The following SFMBT2 variants were observed in gnomAD, a reference collection of about 807,000 sequenced individuals.
SFMBT2 encodes the protein Scm like with four mbt domains 2, also known as scm-like with four MBT domains protein 2.
In SFMBT2, 38 loss-of-function variants were observed where a neutral mutation model predicts 110.1. The ratio of observed to expected loss-of-function variants is 0.35; its 90% CI spans 0.27 to 0.45. The LOEUF is 0.45. SFMBT2 is among the 20% of genes least tolerant of loss of function. The pLI, the probability that SFMBT2 is intolerant of heterozygous loss-of-function variation, is 1.00. For synonymous variants in SFMBT2, 425 were observed against 425.4 expected (o/e 1.00, Z 0.01); for missense variants, 1,011 against 1,094.9 (o/e 0.92, Z 1.08).
chr10:7,275,401 G>C (rs1388643270), intron 7 of SFMBT2, among the ~76,000 whole-genome samples: 1 of 152,148 alleles, frequency 6.6e-6, no homozygotes, highest in Non-Finnish European at 1.5e-5. Context: ...TGGCAGAGCT[G>C]AGAGGTCCAA....
chr10:7,298,827 A>C (rs915268787), intron 4 of SFMBT2, among the ~76,000 whole-genome samples: 1 of 152,024 alleles, frequency 6.6e-6, no homozygotes, highest in Admixed American at 6.6e-5. Flanking sequence ...TCTTCCAAGA[A>C]GCTTCATTGG....
Position 7,220,473 on chromosome 10 carries a change from C to T in SFMBT2, c.1268G>A (p.Gly423Glu), listed in dbSNP as rs1468257052. The T allele has an allele frequency of 5.6e-6, 9 of 1,614,116 alleles. No individual in the cohort carries two copies. The highest frequency in any genetic ancestry group is 6.8e-6 in the Non-Finnish European group (8 of 1,179,982). The stretch of plus-strand genomic sequence containing the variant: ...CACAACGGAGGCCACACACAGTTCT[C>T]CTGGATTCCTGGGGTTCACAGCTTC... ...KLEAVNPRNPGELCVASVVSV... is the reference protein window; with the variant it reads ...KLEAVNPRNPEELCVASVVSV... Residue 423 changes from glycine to glutamate, a missense_variant, in exon 11 of 21, where the codon GGA (glycine) becomes GAA (glutamate). Physicochemically the swap from Gly to Glu is moderately conservative, Grantham distance 98. Coordinates refer to ENST00000397167, the MANE Select transcript of SFMBT2 (RefSeq NM_001387889.1).
Position 7,330,791 on chromosome 10 carries a change from C to T in SFMBT2, c.436+36858G>A, listed in dbSNP as rs569505264. Among the ~76,000 whole-genome samples the T allele has an allele frequency of 4.6e-5, 7 of 152,308 alleles. 1 individual carries two copies. In the South Asian group the frequency reaches 1.5e-3, roughly 32 times the overall value. ...TTTAATTTTTGCTATTATACCTCCA[C>T]AAAAACCACCTCTGATCAAAATCTT... On this transcript the variant is annotated intron_variant, in intron 4 of 20. Coordinates refer to ENST00000397167, the MANE Select transcript of SFMBT2 (RefSeq NM_001387889.1).
intron 4 of SFMBT2, among the ~76,000 whole-genome samples, chr10:7,358,616 G>A (rs1256363145): frequency 1.3e-5 from 2 of 151,720 alleles, no homozygotes; most frequent in Admixed American, 6.6e-5. Context: ...CCCTGGAATG[G>A]AGGCACGGCT....
At chr10:7,355,578 C>T (rs184123990) in intron 4 of SFMBT2, among the ~76,000 whole-genome samples, 3 of 152,106 alleles carry the variant, frequency 2.0e-5, no homozygotes, top group Non-Finnish European at 4.4e-5. Context: ...TTTGGGAGGC[C>T]GAGGCGGCTG....
chr10:7,252,517 G>A (rs925141347), intron 7 of SFMBT2, among the ~76,000 whole-genome samples: 3 of 152,076 alleles, frequency 2.0e-5, no homozygotes, highest in South Asian at 2.1e-4. Context: ...GTGCTCGAAC[G>A]TCCATCATTA....
At position 7,293,278 on chromosome 10, in the gene SFMBT2, T is replaced by C. The variant is rs545771077; in HGVS notation, c.437-7324A>G. On this transcript the variant is annotated intron_variant, in intron 4 of 20. Transcript: ENST00000397167. This position sits in a 1 kb window ranked among gnomAD's most constrained non-coding sequence, Gnocchi z 4.6. ...CACATCCAGCTAATTTTTGTATTTTTAGAAGACACCGGGTTTCACCATGTT... is the reference window on the plus strand; with the variant it reads ...CACATCCAGCTAATTTTTGTATTTTCAGAAGACACCGGGTTTCACCATGTT... Among the ~76,000 whole-genome samples, 5 of 152,240 alleles carry C rather than the reference T, an allele frequency of 3.3e-5. No individual in the cohort carries two copies. In the East Asian group the frequency reaches 9.7e-4, roughly 29 times the overall value.
At chr10:7,397,983 C>T (rs1486953940) in intron 1 of SFMBT2, among the ~76,000 whole-genome samples, 3 of 152,240 alleles carry the variant, frequency 2.0e-5, no homozygotes, top group African/African-American at 7.2e-5. Context: ...GCCATATGCT[C>T]AGAGCTTGAT....
intron 9 of SFMBT2, chr10:7,228,238 T>C (rs1260383047): frequency 3.8e-6 from 1 of 259,848 alleles, no homozygotes; most frequent in Non-Finnish European, 6.0e-6. Context: ...AGCCAGGATA[T>C]GGCATAAAAT....
chr10:7,162,889 G>C lies in SFMBT2; in HGVS notation c.*881C>G, dbSNP rs1428705772. 6.6e-6 allele frequency: 1 copy of C among 152,354 alleles called. No individual in the cohort carries two copies. Among genetic ancestry groups the C allele is most frequent in the Non-Finnish European group, 1.5e-5 (1 of 68,238 alleles). The allele number at this position is 152,354 out of a possible 1,614,324, so 9.4% of individuals were successfully genotyped here. On this transcript the variant is annotated 3_prime_UTR_variant, in exon 21 of 21. Transcript: ENST00000397167. ...AGGCCGAGGCGGGCAGATCACTTGA[G>C]GTTGGGAGTTCAAGACTAGCCTGAC...
chr10:7,204,082 A>T (rs772443125), intron 12 of SFMBT2: 23 of 235,398 alleles, frequency 9.8e-5, no homozygotes, highest in Non-Finnish European at 1.5e-4. Flanking sequence ...ATTATTGTAC[A>T]CTCAATGTTT....
chr10:7,282,346 G>A (rs1841969061), intron 6 of SFMBT2, among the ~76,000 whole-genome samples: 1 of 152,172 alleles, frequency 6.6e-6, no homozygotes, highest in African/African-American at 2.4e-5. Flanking sequence ...AACATAAGAA[G>A]CCACTAGTCA....
At chr10:7,332,615 C>G (rs1412610039) in intron 4 of SFMBT2, among the ~76,000 whole-genome samples, 1 of 152,128 alleles carries the variant, frequency 6.6e-6, no homozygotes, top group Non-Finnish European at 1.5e-5. Flanking sequence ...TTAAAACAAG[C>G]CAAAGTGAAA....
chr10:7,249,432 A>G, intron 7 of SFMBT2: 1 of 768,024 alleles, frequency 1.3e-6, no homozygotes, highest in Non-Finnish European at 1.6e-6. Flanking sequence ...GCGGAGATGG[A>G]GGTCACCTCA....
At chr10:7,350,605 G>A (rs868627171) in intron 4 of SFMBT2, among the ~76,000 whole-genome samples, 10 of 152,160 alleles carry the variant, frequency 6.6e-5, no homozygotes, top group African/African-American at 2.2e-4. Flanking sequence ...ATTGCTCCAG[G>A]CTCACTGTGT....
chr10:7,257,300 CCTGGGTGCACTCA>C (rs1448995808), intron 7 of SFMBT2, among the ~76,000 whole-genome samples: 1 of 152,076 alleles, frequency 6.6e-6, no homozygotes, highest in Non-Finnish European at 1.5e-5. Flanking sequence ...CAGAGCCTGC[CCTGGGTGCACTCA>C]CTACCCACGG....
chr10:7,297,886 C>T (rs1358793856), intron 4 of SFMBT2, among the ~76,000 whole-genome samples: 1 of 152,186 alleles, frequency 6.6e-6, no homozygotes, highest in Non-Finnish European at 1.5e-5. Flanking sequence ...ATCTGCAATC[C>T]GTGTCTGCCT....
chr10:7,375,774 C>T (rs1268391475), intron 2 of SFMBT2, among the ~76,000 whole-genome samples: 1 of 151,118 alleles, frequency 6.6e-6, no homozygotes, highest in Non-Finnish European at 1.5e-5. Flanking sequence ...CACACACACA[C>T]ACACACACAC....
chr10:7,223,506 T>C (rs2692812), intron 10 of SFMBT2, among the ~76,000 whole-genome samples: 74,441 of 151,986 alleles, frequency 0.49, 18,788 homozygotes, highest in East Asian at 0.87. Context: ...CCTCAGATCC[T>C]GAGATTCCAT....
Sources: gnomAD v4.1 joint callset for allele counts (sites outside exome capture counted in the v4.1 genomes callset) on GRCh38, gnomAD v4.1.1 for gene constraint, Gnocchi (gnomAD v3.1) non-coding constraint, MANE v1.5 for transcripts, NCBI Gene and HGNC (gene_info 2026-07-23, HGNC 2026-07-21) for gene names.